Variants in TJP3 observed in about 807,000 individuals in gnomAD.
TJP3 encodes the protein tight junction protein 3.
A neutral mutation model predicts 104.2 loss-of-function variants in TJP3; 85 were observed. The observed-to-expected ratio is 0.82, with a 90% CI of 0.68 to 0.98. TJP3 has a LOEUF of 0.98. TJP3 is among the 50% of genes least tolerant of loss of function. The pLI, the probability that TJP3 is intolerant of heterozygous loss-of-function variation, is 0.00. For missense variants in TJP3, 1,367 were observed against 1,322.8 expected (o/e 1.03, Z -0.52); for synonymous variants, 550 against 550.6 (o/e 1.00, Z 0.02).
At chr19:3,718,606 C>A (rs1247183130) in intron 1 of TJP3, among the ~76,000 whole-genome samples, 1 of 151,686 alleles carries the variant, frequency 6.6e-6, no homozygotes, top group African/African-American at 2.4e-5. Context: ...GTAGCTGGGA[C>A]TACAGACGTG....
intron 1 of TJP3, among the ~76,000 whole-genome samples, chr19:3,718,616 G>A (rs1316732324): frequency 6.6e-6 from 1 of 151,600 alleles, no homozygotes. Context: ...CTACAGACGT[G>A]CGCCACCACG....
intron 1 of TJP3, among the ~76,000 whole-genome samples, chr19:3,720,576 C>CCCTTTTAA (rs1482352875): frequency 1.3e-5 from 2 of 151,994 alleles, no homozygotes; most frequent in Non-Finnish European, 2.9e-5. Context: ...TGCCCTTTTA[C>CCCTTTTAA]CCTTTTAACC....
Position 3,710,838 on chromosome 19 carries a change from C to T in TJP3, c.-10+2277C>T, listed in dbSNP as rs1193880599. Among the ~76,000 whole-genome samples the T allele has an allele frequency of 3.3e-5, 5 of 152,176 alleles. No homozygotes were observed. In the Middle Eastern group the frequency reaches 0.01, roughly 311 times the overall value. Reference sequence around the variant, plus strand: ...GGGAAAGACAGACATGAAACAAGAGCGCAGTAATGGAGCCAATGGCTGCAC... The same window carrying T: ...GGGAAAGACAGACATGAAACAAGAGTGCAGTAATGGAGCCAATGGCTGCAC... On this transcript the variant is annotated intron_variant, in intron 1 of 20. Transcript: ENST00000541714.
chr19:3,750,250 C>G, intron 20 of TJP3, 66 bp downstream of exon 20: 2 of 1,602,836 alleles, frequency 1.2e-6, no homozygotes, highest in Non-Finnish European at 8.5e-7. Flanking sequence ...TCTGCGGACT[C>G]AGATCTAGAT....
chr19:3,720,738 G>A (rs2036533152), intron 1 of TJP3, among the ~76,000 whole-genome samples: 1 of 151,856 alleles, frequency 6.6e-6, no homozygotes, highest in South Asian at 2.1e-4. Flanking sequence ...TAGGAATCCC[G>A]GAATCCCAGG....
chr19:3,738,866 G>A (rs747519199), intron 12 of TJP3, 31 bp from the exon 13 acceptor site: 2 of 1,544,916 alleles, frequency 1.3e-6, no homozygotes, highest in South Asian at 2.4e-5. Flanking sequence ...CAGCAGCCCA[G>A]GCAGCTCATG....
intron 9 of TJP3, 65 bp from the exon 10 acceptor site, chr19:3,735,804 A>T: frequency 6.2e-7 from 1 of 1,606,406 alleles, no homozygotes; most frequent in Non-Finnish European, 8.5e-7. Context: ...GAGGACATAA[A>T]GCAAAGGTTT....
chr19:3,733,788 C>T lies in TJP3; in HGVS notation c.753C>T (p.Asn251=), dbSNP rs148278371. 4.2e-5 allele frequency: 68 copies of T among 1,614,082 alleles called. No individual in the cohort carries two copies. The highest frequency in any genetic ancestry group is 5.2e-5 in the Non-Finnish European group (61 of 1,180,036). ...TGTCTAGCCAGAACCTGTCACTGAA[C>T]GACACCCGGCGACTGATTGAGAAGT... ...NGVSSQNLSL[N]DTRRLIEKSE... is the part of the protein sequence containing the mutation. Residue 251 remains asparagine (N), a synonymous_variant, in exon 7 of 21, where the codon AAC becomes AAT. Transcript: ENST00000541714.
chr19:3,722,103 C>A (rs949933041), intron 1 of TJP3, among the ~76,000 whole-genome samples: 1 of 152,176 alleles, frequency 6.6e-6, no homozygotes, highest in Admixed American at 6.5e-5. Context: ...TCCGCGCCCC[C>A]CTCCCTGCCT....
At chr19:3,745,374 C>T (rs953148971) in intron 15 of TJP3, among the ~76,000 whole-genome samples, 4 of 151,980 alleles carry the variant, frequency 2.6e-5, no homozygotes, top group African/African-American at 9.7e-5. Context: ...AAACTTCTGA[C>T]CTCAGGTGAT....
In TJP3 at chr19:3,736,324, G is replaced by A. The variant is rs2036739402; in HGVS notation, c.1284+3G>A. 2 of 1,524,144 alleles carry A rather than the reference G, an allele frequency of 1.3e-6. No homozygotes were observed. The highest frequency in any genetic ancestry group is 1.4e-5 in the African/African-American group (1 of 72,212). The allele number at this position is 1,524,144 out of a possible 1,614,324, so 94.4% of individuals were successfully genotyped here. A position where few individuals can be genotyped will look rare whatever the true frequency, so the allele number is the denominator to read the frequency against. ...AGGAGGGAGATCAGATTCTGCAGGT[G>A]CTCCGGGGGCGGCTGGCCAGCCCCA... is the stretch of plus-strand genomic sequence containing the variant. On this transcript the variant is annotated splice_donor_region_variant and intron_variant, in intron 11 of 20. Coordinates refer to ENST00000541714, the MANE Select transcript of TJP3 (RefSeq NM_001267560.2).
chr19:3,727,345 T>C (rs2036610288), intron 1 of TJP3, among the ~76,000 whole-genome samples: 1 of 151,062 alleles, frequency 6.6e-6, no homozygotes, highest in African/African-American at 2.4e-5. Flanking sequence ...TAGCTGGGCA[T>C]GGTGGCACAT....
intron 5 of TJP3, among the ~76,000 whole-genome samples, chr19:3,731,487 GC>G (rs2036670215): frequency 2.0e-5 from 3 of 152,100 alleles, no homozygotes; most frequent in Admixed American, 1.3e-4. Flanking sequence ...ACAAAAATTA[GC>G]CAGGCGTGGT....
intron 19 of TJP3, 96 bp from the exon 20 acceptor site, chr19:3,750,042 C>G (rs1470510010): frequency 1.3e-6 from 2 of 1,532,868 alleles, no homozygotes; most frequent in East Asian, 2.3e-5. Context: ...CAGCATGGCC[C>G]GGGCCAAGGT....
Position 3,748,063 on chromosome 19 carries a change from G to A in TJP3, c.2592G>A (p.Ser864=), listed in dbSNP as rs73531433. 9.2e-4 allele frequency: 1,451 copies of A among 1,574,186 alleles called. 12 individuals are homozygous for A. The African/African-American group carries it at 0.016, about 17-fold the overall frequency. The change falls in exon 19 of 21, where the codon TCG becomes TCA. Residue 864 remains serine, a synonymous_variant. Transcript: ENST00000541714. ...SQSPRDRGRI[S]AHQGAQVDSR... is the part of the protein sequence containing the mutation. ...GCCCGAGGGATCGTGGGAGAATCTC[G>A]GCTCATCAGGGGGCCCAGGTGCGTC...
chr19:3,733,751 A>G lies in TJP3; in HGVS notation c.718-2A>G, dbSNP rs758750026. The G allele has an allele frequency of 1.9e-6, 3 of 1,614,044 alleles. No homozygotes were observed. Among genetic ancestry groups the G allele is most frequent in the Non-Finnish European group, 2.5e-6 (3 of 1,179,946 alleles). On this transcript the variant is annotated splice_acceptor_variant, in intron 6 of 20. Coordinates refer to ENST00000541714, the MANE Select transcript of TJP3 (RefSeq NM_001267560.2). LOFTEE classifies it high-confidence loss of function. The stretch of plus-strand genomic sequence containing the variant: ...CGCTCTTTCATTCCTGGTCCCTTTC[A>G]GATCAACGGGGTGTCTAGCCAGAAC...
intron 14 of TJP3, among the ~76,000 whole-genome samples, chr19:3,743,478 G>A (rs2036848625): frequency 6.6e-6 from 1 of 152,182 alleles, no homozygotes. Context: ...GTCTCTGGCA[G>A]AACTACTCAG....
In TJP3 at chr19:3,728,629, C is replaced by T. The variant is rs199928781; in HGVS notation, c.74C>T (p.Ala25Val). The T allele has an allele frequency of 8.1e-6, 13 of 1,613,466 alleles. No homozygotes were observed. Among genetic ancestry groups the T allele is most frequent in the African/African-American group, 5.3e-5 (4 of 75,064 alleles). Reference protein sequence around the residue: ...SKDPRRGFGIAISGGRDRPGG... With the variant: ...SKDPRRGFGIVISGGRDRPGG... ...GACCCCCGCCGGGGCTTTGGCATTG[C>T]GATCTCTGGAGGCCGAGACCGGCCC... The change falls in exon 3 of 21, where the codon GCG becomes GTG. Residue 25 changes from alanine to valine, a missense_variant. Physicochemically the swap from Ala to Val is moderately conservative, Grantham distance 64. Transcript: ENST00000541714.
chr19:3,748,117 C>A, intron 19 of TJP3, 36 bp downstream of exon 19: 1 of 1,511,094 alleles, frequency 6.6e-7, no homozygotes, highest in Non-Finnish European at 8.9e-7. Flanking sequence ...TGGGAAGGGT[C>A]TCCGGAGGGG....
Sources: allele counts gnomAD v4.1 joint callset (sites outside exome capture counted in the v4.1 genomes callset), GRCh38; gene constraint gnomAD v4.1.1; transcripts MANE v1.5; gene names NCBI Gene and HGNC (gene_info 2026-07-23, HGNC 2026-07-21).